The following PWWP3B variants were observed in gnomAD, a reference collection of about 807,000 sequenced individuals.
The protein encoded by PWWP3B is PWWP domain containing 3B, also known as PWWP domain-containing DNA repair factor 3B.
In PWWP3B, 5 loss-of-function variants were observed where a neutral mutation model predicts 15.7. That is an observed-to-expected ratio of 0.32 (90% CI 0.17 to 0.67). PWWP3B has a LOEUF of 0.67. PWWP3B is among the 30% of genes least tolerant of loss of function. PWWP3B has a pLI of 0.74. For missense variants in PWWP3B, 519 were observed against 493.1 expected, an observed-to-expected ratio of 1.05 and a Z score of -0.50; for synonymous variants, 203 against 179.8, an observed-to-expected ratio of 1.13 and a Z score of -1.03.
At chrX:106,181,997 G>T (rs759267154) in intron 2 of PWWP3B, among the ~76,000 whole-genome samples, 32 of 111,951 alleles carry the variant, frequency 2.9e-4, no homozygotes, top group Non-Finnish European at 4.5e-4. Flanking sequence ...GTTGTTGTCT[G>T]ATTTCAGAAG....
At chrX:106,196,267 A>G (rs1278470378) in intron 2 of PWWP3B, among the ~76,000 whole-genome samples, 1 of 111,609 alleles carries the variant, frequency 9.0e-6, no homozygotes, top group Non-Finnish European at 1.9e-5. Context: ...ATCCGTACAT[A>G]ATTTATTTAT....
chrX:106,206,254 T>G lies in PWWP3B; in HGVS notation c.822T>G (p.Ala274=). Residue 274 remains alanine, a synonymous_variant, in exon 4 of 4, where the codon GCT becomes GCG. Transcript: ENST00000357175. ...ETLAVPSECS[A]FSENIEDPGE... ...TGGCTGTTCCCTCTGAATGCTCTGCTTTCTCAGAGAATATTGAGGATCCTG... is the reference window on the plus strand; with the variant it reads ...TGGCTGTTCCCTCTGAATGCTCTGCGTTCTCAGAGAATATTGAGGATCCTG... 8.3e-7 allele frequency: 1 copy of G among 1,207,353 alleles called. No homozygotes were observed. Among genetic ancestry groups the G allele is most frequent in the Non-Finnish European group, 1.1e-6 (1 of 892,900 alleles).
At chrX:106,171,694 TACTACACACTTAGGCTATATGGTATAGCC>T (rs1259828176) in intron 2 of PWWP3B, among the ~76,000 whole-genome samples, 2 of 111,000 alleles carry the variant, frequency 1.8e-5, no homozygotes, top group Non-Finnish European at 3.8e-5. Context: ...TGGTATAGCC[TACTACACACTTAGGCTATATGGTATAGCC>T]TATTGCTCCT....
chrX:106,176,456 T>C (rs751545552), intron 2 of PWWP3B, among the ~76,000 whole-genome samples: 7 of 111,847 alleles, frequency 6.3e-5, no homozygotes, highest in Non-Finnish European at 9.4e-5. Context: ...CAGAGATTCC[T>C]GTGGTGGCAC....
At chrX:106,194,330 C>T (rs1336089824) in intron 2 of PWWP3B, among the ~76,000 whole-genome samples, 3 of 112,101 alleles carry the variant, frequency 2.7e-5, no homozygotes, top group Non-Finnish European at 5.6e-5. Flanking sequence ...CAGTTGATCA[C>T]ATCGGTTACT....
At chrX:106,197,253 G>A (rs995831320) in intron 2 of PWWP3B, among the ~76,000 whole-genome samples, 2 of 111,963 alleles carry the variant, frequency 1.8e-5, no homozygotes, top group East Asian at 5.6e-4. Context: ...GTTAGAGAGG[G>A]TTCCCTCCAG....
At chrX:106,189,909 G>T (rs1158713188) in intron 2 of PWWP3B, among the ~76,000 whole-genome samples, 1 of 109,829 alleles carries the variant, frequency 9.1e-6, no homozygotes, top group Non-Finnish European at 1.9e-5. Flanking sequence ...GAGCCACCGC[G>T]CCCGGCGCCA....
At chrX:106,191,986 A>G (rs769120215) in intron 2 of PWWP3B, among the ~76,000 whole-genome samples, 1 of 111,649 alleles carries the variant, frequency 9.0e-6, no homozygotes, top group South Asian at 3.8e-4. Flanking sequence ...CATCAAGGAT[A>G]TTGGTCTAAA....
rs190420399 is a variant in PWWP3B at position 106,176,383 on chromosome X, G to A, written c.-401+5244G>A. On this transcript the variant is annotated intron_variant, in intron 2 of 3. Coordinates refer to ENST00000357175, the MANE Select transcript of PWWP3B (RefSeq NM_001171020.2). The stretch of plus-strand genomic sequence containing the variant: ...TGCTGGGATTACAGGCTTGATAACA[G>A]AACTCCAAATTTAAGCAAACCTACC... Among the ~76,000 whole-genome samples the A allele has an allele frequency of 9.1e-3, 1,013 of 111,663 alleles. 14 individuals carry two copies. Among genetic ancestry groups the A allele is most frequent in the African/African-American group, 0.031 (938 of 30,730 alleles).
rs1427836205 is a variant in PWWP3B, at chrX:106,205,745, C to T, written c.313C>T (p.Gln105Ter). 8.3e-7 allele frequency: 1 copy of T among 1,209,763 alleles called. No individual in the cohort carries two copies. Among genetic ancestry groups the T allele is most frequent in the Non-Finnish European group, 1.1e-6 (1 of 895,119 alleles). ...TCTGAATGAGAGAACAAATTTGAGT[C>T]AAGCAAGCACTTCAGATGAAGAGGA... Reference protein sequence around the residue: ...GILNERTNLSQASTSDEEEIT... With the variant: ...GILNERTNLS Residue 105 changes from glutamine to a stop codon, truncating the protein, a stop_gained, in exon 4 of 4, where the codon CAA (glutamine) becomes TAA (stop). Coordinates refer to ENST00000357175, the MANE Select transcript of PWWP3B (RefSeq NM_001171020.2). LOFTEE classifies it low-confidence loss of function (END_TRUNC).
At position 106,205,982 on chromosome X, in the gene PWWP3B, A is replaced by G. The variant is rs1923984234; in HGVS notation, c.550A>G (p.Thr184Ala). Residue 184 changes from threonine (T) to alanine (A), a missense_variant, in exon 4 of 4, where the codon ACA (threonine) becomes GCA (alanine). Thr to Ala is a moderately conservative substitution (Grantham distance 58, BLOSUM62 0). Transcript: ENST00000357175. ...MVDTIPSEVE[T>A]KSLQNSSWCE... is the part of the protein sequence containing the mutation. Reference sequence around the variant, plus strand: ...CGATACTATTCCAAGTGAAGTGGAAACAAAGTCATTACAAAACTCTAGCTG... The same window carrying G: ...CGATACTATTCCAAGTGAAGTGGAAGCAAAGTCATTACAAAACTCTAGCTG... 1.7e-6 allele frequency: 2 copies of G among 1,209,947 alleles called. No individual in the cohort carries two copies. The highest frequency in any genetic ancestry group is 5.9e-5 in the East Asian group (2 of 33,835).
At chrX:106,199,322 C>T (rs1403674134) in intron 2 of PWWP3B, among the ~76,000 whole-genome samples, 1 of 111,850 alleles carries the variant, frequency 8.9e-6, no homozygotes, top group Non-Finnish European at 1.9e-5. Flanking sequence ...TCCCAAAGTG[C>T]TGGGATTACA....
chrX:106,205,501 TGAAACTTCATCAAACA>T lies in PWWP3B; in HGVS notation c.71_86del (p.Glu24ValfsTer9). 1.7e-6 allele frequency: 2 copies of T among 1,199,513 alleles called. No individual in the cohort carries two copies. Among genetic ancestry groups the T allele is most frequent in the South Asian group, 3.7e-5 (2 of 54,692 alleles). On this transcript the variant is annotated frameshift_variant, in exon 4 of 4. Coordinates refer to ENST00000357175, the MANE Select transcript of PWWP3B (RefSeq NM_001171020.2). LOFTEE classifies it low-confidence loss of function (END_TRUNC). ...GGCCAGCAAAAGTTTTGTCCAGATC[TGAAACTTCATCAAACA>T]GTAAGAGGAAAAAGGCATTTTCTCT...
intron 2 of PWWP3B, among the ~76,000 whole-genome samples, chrX:106,191,183 A>G (rs1156297019): frequency 9.0e-6 from 1 of 110,710 alleles, no homozygotes; most frequent in Non-Finnish European, 1.9e-5. Context: ...ATGAGCATGG[A>G]ATGTTCTTCC....
chrX:106,170,347 A>G (rs1189633693), intron 1 of PWWP3B, among the ~76,000 whole-genome samples: 1 of 112,102 alleles, frequency 8.9e-6, no homozygotes, highest in Admixed American at 9.5e-5. Flanking sequence ...TTCTTTGGAA[A>G]TCCAAAAGAT....
At chrX:106,178,748 C>G (rs1922031838) in intron 2 of PWWP3B, among the ~76,000 whole-genome samples, 1 of 111,865 alleles carries the variant, frequency 8.9e-6, no homozygotes, top group Admixed American at 9.5e-5. Flanking sequence ...AAATAATATG[C>G]ATTCATACGT....
chrX:106,181,335 C>A (rs1318449468), intron 2 of PWWP3B, among the ~76,000 whole-genome samples: 4 of 111,708 alleles, frequency 3.6e-5, no homozygotes, highest in Non-Finnish European at 7.5e-5. Context: ...TCCCCGCCCA[C>A]GTCGTGCTGA....
intron 2 of PWWP3B, among the ~76,000 whole-genome samples, chrX:106,177,909 T>A (rs1250588908): frequency 8.9e-6 from 1 of 112,470 alleles, no homozygotes; most frequent in Non-Finnish European, 1.9e-5. Flanking sequence ...GTTCAGATTA[T>A]GGAAGTTTTT....
intron 2 of PWWP3B, among the ~76,000 whole-genome samples, chrX:106,198,458 G>A (rs1209149418): frequency 9.0e-6 from 1 of 111,409 alleles, no homozygotes; most frequent in East Asian, 2.8e-4. Flanking sequence ...TACTAATGTT[G>A]TTATACAGAG....
Sources: allele counts gnomAD v4.1 joint callset (sites outside exome capture counted in the v4.1 genomes callset), GRCh38; gene constraint gnomAD v4.1.1; transcripts MANE v1.5; gene names NCBI Gene and HGNC (gene_info 2026-07-23, HGNC 2026-07-21).